The following ZDHHC17 variants were observed in gnomAD, a reference collection of about 807,000 sequenced individuals.
ZDHHC17 encodes the protein palmitoyltransferase ZDHHC17.
In ZDHHC17, 40 loss-of-function variants were observed where a neutral mutation model predicts 90.3. That is an observed-to-expected ratio of 0.44 (90% CI 0.34 to 0.58). ZDHHC17 has a LOEUF of 0.58. ZDHHC17 is among the 20% of genes least tolerant of loss of function. The pLI, the probability that ZDHHC17 is intolerant of heterozygous loss-of-function variation, is 0.01. For missense variants in ZDHHC17, 614 were observed against 780.8 expected, an observed-to-expected ratio of 0.79 and a Z score of 2.55; for synonymous variants, 235 against 252.4, an observed-to-expected ratio of 0.93 and a Z score of 0.65.
At chr12:76,764,732 CA>C in intron 1 of ZDHHC17, 1 of 469,250 alleles carries the variant, frequency 2.1e-6, no homozygotes, top group East Asian at 6.5e-5. Context: ...TTTCCTTCGC[CA>C]GGGTGAATGA....
At chr12:76,808,993 T>G in intron 3 of ZDHHC17, 50 bp from the exon 4 acceptor site, 1 of 1,265,066 alleles carries the variant, frequency 7.9e-7, no homozygotes. Flanking sequence ...CAAAATTTCT[T>G]AAAATTGAAA....
intron 5 of ZDHHC17, among the ~76,000 whole-genome samples, chr12:76,814,577 T>G (rs1345004426): frequency 6.6e-6 from 1 of 151,780 alleles, no homozygotes; most frequent in Non-Finnish European, 1.5e-5. Flanking sequence ...AACATCTTAT[T>G]TAAAGATATG....
chr12:76,780,155 T>C (rs1565762277), intron 1 of ZDHHC17, among the ~76,000 whole-genome samples: 1 of 152,226 alleles, frequency 6.6e-6, no homozygotes, highest in Non-Finnish European at 1.5e-5. Flanking sequence ...ATGTAAATTT[T>C]AGGTTAAACT....
chr12:76,787,007 G>T (rs995668998), intron 1 of ZDHHC17, among the ~76,000 whole-genome samples: 4 of 152,110 alleles, frequency 2.6e-5, no homozygotes, highest in Non-Finnish European at 5.9e-5. Flanking sequence ...TTACATTTTG[G>T]TAATTACATT....
chr12:76,847,726 C>T (rs1191543069), intron 14 of ZDHHC17, among the ~76,000 whole-genome samples: 1 of 152,048 alleles, frequency 6.6e-6, no homozygotes, highest in Non-Finnish European at 1.5e-5. Context: ...GGTGTGGTAG[C>T]GCATGCCTGT....
intron 10 of ZDHHC17, among the ~76,000 whole-genome samples, chr12:76,831,192 C>A (rs551665955): frequency 6.6e-6 from 1 of 152,256 alleles, no homozygotes; most frequent in African/African-American, 2.4e-5. Context: ...AAAATAAACA[C>A]CTGAGGACAT....
chr12:76,811,891 C>T (rs1053289016), intron 5 of ZDHHC17, among the ~76,000 whole-genome samples: 1 of 151,976 alleles, frequency 6.6e-6, no homozygotes, highest in African/African-American at 2.4e-5. Flanking sequence ...AAAATTTTAC[C>T]CCTGACACCT....
At chr12:76,837,088 C>T (rs1178530290) in intron 10 of ZDHHC17, among the ~76,000 whole-genome samples, 2 of 152,076 alleles carry the variant, frequency 1.3e-5, no homozygotes, top group African/African-American at 2.4e-5. Flanking sequence ...TCTCTGGTCT[C>T]CATGGGGTTT....
rs931734778 is a variant in ZDHHC17, at chr12:76,851,576, A to G, written c.*591A>G. The G allele has an allele frequency of 2.0e-5, 3 of 152,802 alleles. No homozygotes were observed. The highest frequency in any genetic ancestry group is 4.4e-5 in the Non-Finnish European group (3 of 68,144). The allele number at this position is 152,802 out of a possible 1,614,324, so 9.5% of individuals were successfully genotyped here. A position where few individuals can be genotyped will look rare whatever the true frequency, so the allele number is the denominator to read the frequency against. On this transcript the variant is annotated 3_prime_UTR_variant, in exon 17 of 17. Coordinates refer to ENST00000426126, the MANE Select transcript of ZDHHC17 (RefSeq NM_015336.4). ...AATGTGCTAACAATGTTTTGTTTCT[A>G]TCAGCTGTTGCAATGCTGATATATT...
chr12:76,777,663 A>G (rs1453453337), intron 1 of ZDHHC17, among the ~76,000 whole-genome samples: 2 of 152,184 alleles, frequency 1.3e-5, no homozygotes, highest in Non-Finnish European at 2.9e-5. Flanking sequence ...AGGATGAGGG[A>G]GAGCTGCATC....
chr12:76,801,334 C>T (rs184587978), intron 2 of ZDHHC17, among the ~76,000 whole-genome samples: 8 of 150,398 alleles, frequency 5.3e-5, no homozygotes, highest in Non-Finnish European at 3.0e-5. Flanking sequence ...CTTTTCTTTG[C>T]GGATACTATG....
chr12:76,798,563 A>T (rs1288507017), intron 2 of ZDHHC17, among the ~76,000 whole-genome samples: 1 of 152,132 alleles, frequency 6.6e-6, no homozygotes, highest in African/African-American at 2.4e-5. Context: ...AAGAAAAAAA[A>T]AAAAAGTAGG....
In ZDHHC17 at chr12:76,795,407, C is replaced by G. The variant is rs189294104; in HGVS notation, c.94-2027C>G. Among the ~76,000 whole-genome samples the G allele has an allele frequency of 3.7e-4, 56 of 152,200 alleles. No individual in the cohort carries two copies. The East Asian group carries it at 9.1e-3, about 25-fold the overall frequency. On this transcript the variant is annotated intron_variant, in intron 1 of 16. Transcript: ENST00000426126. ...ACATTGTAGAGAGCTTTATGTATAG[C>G]AGGCTCTCAATACATGTTTTGTTGG... is the stretch of plus-strand genomic sequence containing the variant.
At chr12:76,834,052 T>C (rs1222015866) in intron 10 of ZDHHC17, among the ~76,000 whole-genome samples, 1 of 152,018 alleles carries the variant, frequency 6.6e-6, no homozygotes, top group African/African-American at 2.4e-5. Context: ...TAAGATACAA[T>C]AAGTGAAAAA....
Position 76,850,771 on chromosome 12 carries a change from C to A in ZDHHC17, c.1761-76C>A, listed in dbSNP as rs886359619. The A allele has an allele frequency of 2.6e-6, 4 of 1,521,394 alleles. No individual in the cohort carries two copies. In the Admixed American group the frequency reaches 6.7e-5, roughly 26 times the overall value. 94.2% of individuals were successfully genotyped at this position (1,521,394 alleles called of 1,614,324 possible). ...AGTTTAGAAAAAAATATATTTAACA[C>A]GAAAATTATATTGAATTCATGTATT... is the stretch of plus-strand genomic sequence containing the variant. On this transcript the variant is annotated intron_variant, in intron 16 of 16. Transcript: ENST00000426126.
chr12:76,809,942 G>A (rs573187686), intron 5 of ZDHHC17, 85 bp downstream of exon 5: 178 of 1,427,718 alleles, frequency 1.2e-4, no homozygotes, highest in Non-Finnish European at 1.5e-4. Context: ...GTAACAAGCC[G>A]TTGATATTTA....
intron 2 of ZDHHC17, among the ~76,000 whole-genome samples, chr12:76,800,054 A>C (rs1952868362): frequency 6.6e-6 from 1 of 152,178 alleles, no homozygotes; most frequent in South Asian, 2.1e-4. Context: ...CATGTGCTCA[A>C]AAAGTTTAGG....
At chr12:76,813,691 C>T (rs1373178688) in intron 5 of ZDHHC17, among the ~76,000 whole-genome samples, 1 of 152,004 alleles carries the variant, frequency 6.6e-6, no homozygotes, top group Non-Finnish European at 1.5e-5. Flanking sequence ...GAACTGCTTG[C>T]TTAATGTAAT....
chr12:76,818,320 A>G (rs1204768814), intron 7 of ZDHHC17, among the ~76,000 whole-genome samples: 1 of 152,218 alleles, frequency 6.6e-6, no homozygotes, highest in Non-Finnish European at 1.5e-5. Flanking sequence ...AGGCATTCCC[A>G]ACATACTTAA....
Sources: gnomAD v4.1 joint callset for allele counts (sites outside exome capture counted in the v4.1 genomes callset) on GRCh38, gnomAD v4.1.1 for gene constraint, MANE v1.5 for transcripts, NCBI Gene and HGNC (gene_info 2026-07-23, HGNC 2026-07-21) for gene names.